The following GABRB1 variants were observed in gnomAD, a reference collection of about 807,000 sequenced individuals.
GABRB1 encodes gamma-aminobutyric acid type A receptor subunit beta1, also known as gamma-aminobutyric acid receptor subunit beta-1.
A neutral mutation model predicts 51.6 loss-of-function variants in GABRB1; 17 were observed. That is an observed-to-expected ratio of 0.33 (90% CI 0.23 to 0.49). GABRB1 has a LOEUF of 0.49. Ranked by LOEUF, GABRB1 falls within the 20% of genes least tolerant of loss-of-function variation. The pLI is 0.99. For synonymous variants in GABRB1, 247 were observed against 218.9 expected (o/e 1.13, Z -1.14); for missense variants, 410 against 600.6 (o/e 0.68, Z 3.32).
intron 4 of GABRB1, among the ~76,000 whole-genome samples, chr4:47,273,864 T>TACACACAC (rs5858061): frequency 8.2e-6 from 1 of 122,416 alleles, no homozygotes. Flanking sequence ...CATATATACA[T>TACACACAC]ACACACACAC....
upstream of GABRB1, among the ~76,000 whole-genome samples, chr4:47,028,864 ATATATACCATATATATATATATGGTG>A (rs1449144878): frequency 2.8e-5 from 4 of 144,888 alleles, no homozygotes; most frequent in East Asian, 2.2e-4. Context: ...TATATATGGT[ATATATACCATATATATATATATGGTG>A]TATATGTACA....
chr4:47,383,437 T>TTGGGTAGCACTCTCA (rs1451988728), intron 5 of GABRB1, among the ~76,000 whole-genome samples: 1 of 152,012 alleles, frequency 6.6e-6, no homozygotes, highest in African/African-American at 2.4e-5. Flanking sequence ...TCAATAAGTA[T>TTGGGTAGCACTCTCA]CATCTGAGAG....
chr4:47,126,828 G>A (rs953468974), intron 3 of GABRB1, among the ~76,000 whole-genome samples: 1 of 151,936 alleles, frequency 6.6e-6, no homozygotes, highest in Non-Finnish European at 1.5e-5. Context: ...TAGAAGAGAG[G>A]ACATACTGGA....
chr4:47,118,476 T>C (rs1715603642), intron 3 of GABRB1, among the ~76,000 whole-genome samples: 1 of 151,984 alleles, frequency 6.6e-6, no homozygotes, highest in African/African-American at 2.4e-5. Context: ...TTTAAAAAAA[T>C]GAATTGAAAC....
intron 8 of GABRB1, among the ~76,000 whole-genome samples, chr4:47,419,700 A>G (rs747615382): frequency 2.6e-4 from 39 of 152,352 alleles, no homozygotes; most frequent in Admixed American, 8.5e-4. Context: ...TGCCTGAGGC[A>G]TAGTAGGCAC....
intron 4 of GABRB1, among the ~76,000 whole-genome samples, chr4:47,179,807 T>C (rs1461078267): frequency 6.6e-6 from 1 of 152,112 alleles, no homozygotes; most frequent in Admixed American, 6.6e-5. Flanking sequence ...GCTCAAATGC[T>C]CACTAACCTG....
At chr4:47,297,738 A>G (rs1485551285) in intron 4 of GABRB1, among the ~76,000 whole-genome samples, 1 of 152,190 alleles carries the variant, frequency 6.6e-6, no homozygotes, top group Non-Finnish European at 1.5e-5. Flanking sequence ...AAAAGAGGGA[A>G]TCCTCCCTAA....
chr4:47,073,175 C>T (rs1727409780), intron 3 of GABRB1, among the ~76,000 whole-genome samples: 4 of 152,198 alleles, frequency 2.6e-5, no homozygotes, highest in South Asian at 2.1e-4. Flanking sequence ...ATTGTGGAGG[C>T]ATAAGGAAGT....
At chr4:47,221,451 T>C (rs1720762604) in intron 4 of GABRB1, among the ~76,000 whole-genome samples, 2 of 152,052 alleles carry the variant, frequency 1.3e-5, no homozygotes, top group African/African-American at 4.8e-5. Flanking sequence ...CTAATTCAGT[T>C]CACCTGGGGC....
intron 4 of GABRB1, among the ~76,000 whole-genome samples, chr4:47,216,281 G>T (rs1720552588): frequency 1.3e-5 from 2 of 151,844 alleles, no homozygotes; most frequent in South Asian, 4.2e-4. Flanking sequence ...AGATGTTGTA[G>T]AGAAGAGGGA....
chr4:47,414,489 A>G (rs1456548954), intron 8 of GABRB1, among the ~76,000 whole-genome samples: 3 of 152,190 alleles, frequency 2.0e-5, no homozygotes, highest in African/African-American at 7.2e-5. Flanking sequence ...TCAGATATGC[A>G]TTTATCTCAG....
At chr4:47,266,533 G>T (rs1027134937) in intron 4 of GABRB1, among the ~76,000 whole-genome samples, 1 of 152,010 alleles carries the variant, frequency 6.6e-6, no homozygotes, top group Admixed American at 6.6e-5. Context: ...TTTCATCATT[G>T]ACCCAAAGAT....
intron 1 of GABRB1, among the ~76,000 whole-genome samples, chr4:46,998,525 A>AGAT (rs1724074230): frequency 6.6e-6 from 1 of 152,040 alleles, no homozygotes; most frequent in African/African-American, 2.4e-5. Context: ...GAAGGTCAGG[A>AGAT]GATGGAGACC....
intron 3 of GABRB1, among the ~76,000 whole-genome samples, chr4:47,139,415 C>T (rs995473241): frequency 2.6e-5 from 4 of 152,050 alleles, no homozygotes; most frequent in Non-Finnish European, 4.4e-5. Flanking sequence ...ATTTCTCCAT[C>T]TCAGGACAAA....
intron 3 of GABRB1, among the ~76,000 whole-genome samples, chr4:47,134,435 G>A (rs958946312): frequency 6.6e-6 from 1 of 152,098 alleles, no homozygotes; most frequent in Non-Finnish European, 1.5e-5. Context: ...CACTTACCAT[G>A]AGTTTAGAAA....
chr4:47,162,912 G>A (rs760016841), intron 4 of GABRB1, among the ~76,000 whole-genome samples: 4 of 151,830 alleles, frequency 2.6e-5, no homozygotes, highest in African/African-American at 4.8e-5. Flanking sequence ...CTTTTTTCTG[G>A]CACCAATTTT....
intron 3 of GABRB1, among the ~76,000 whole-genome samples, chr4:47,068,515 A>G (rs1727179979): frequency 6.6e-6 from 1 of 152,176 alleles, no homozygotes; most frequent in Non-Finnish European, 1.5e-5. Context: ...CTTAGAAGTC[A>G]TTGTAGGGTT....
intron 3 of GABRB1, among the ~76,000 whole-genome samples, chr4:47,092,967 A>G (rs1419748423): frequency 6.6e-6 from 1 of 152,180 alleles, no homozygotes; most frequent in African/African-American, 2.4e-5. Flanking sequence ...TTGCTGTGTT[A>G]TTTCAAATAA....
At chr4:47,276,835 C>T (rs1284160218) in intron 4 of GABRB1, among the ~76,000 whole-genome samples, 2 of 152,070 alleles carry the variant, frequency 1.3e-5, no homozygotes, top group Non-Finnish European at 2.9e-5. Context: ...AAGCCAGTAG[C>T]GTACCACCCT....
Sources: allele counts gnomAD v4.1 joint callset (sites outside exome capture counted in the v4.1 genomes callset), GRCh38; gene constraint gnomAD v4.1.1; transcripts MANE v1.5; gene names NCBI Gene and HGNC (gene_info 2026-07-23, HGNC 2026-07-21).